ELL: variants seen among roughly 807,000 people sequenced by gnomAD.
ELL encodes the protein RNA polymerase II elongation factor ELL.
In ELL, 18 loss-of-function variants were observed where a neutral mutation model predicts 64.0. That is an observed-to-expected ratio of 0.28 (90% confidence interval 0.19 to 0.42). ELL has a LOEUF of 0.42. Among genes scored for constraint, ELL ranks in the 10% least tolerant of loss-of-function variants. The pLI, the probability that ELL is intolerant of heterozygous loss-of-function variation, is 1.00. For missense variants in ELL, 797 were observed against 870.4 expected (o/e 0.92, Z 1.06); for synonymous variants, 399 against 376.2 (o/e 1.06, Z -0.70).
At chr19:18,451,463 G>T in intron 7 of ELL, 89 bp downstream of exon 7, 2 of 1,161,816 alleles carry the variant, frequency 1.7e-6, no homozygotes, top group Non-Finnish European at 2.3e-6. Context: ...GCTCCAAAGA[G>T]CTGGTGAGGA....
chr19:18,484,261 C>A (rs565975742), intron 1 of ELL, among the ~76,000 whole-genome samples: 6 of 152,110 alleles, frequency 3.9e-5, no homozygotes, highest in African/African-American at 1.4e-4. Context: ...GTCAAGAGTT[C>A]GAGACCAGCC....
intron 1 of ELL, among the ~76,000 whole-genome samples, chr19:18,495,783 G>A (rs945006289): frequency 2.6e-5 from 4 of 152,196 alleles, no homozygotes; most frequent in East Asian, 1.9e-4. Flanking sequence ...CAGGTCCCAC[G>A]CGCCTCAGCT....
chr19:18,472,886 T>TAAAAAAAAAA lies in ELL; in HGVS notation c.136-14_136-5dup. ...ATGGCCTCAGTGAAACAGAATCCTA[T>TAAAAAAAAAA]AAAAAAAAAAAAAAAAAAAAAAAGG... On this transcript the variant is annotated splice_region_variant and splice_polypyrimidine_tract_variant and intron_variant, in intron 1 of 11. Transcript: ENST00000262809. 10 of 1,213,060 alleles carry TAAAAAAAAAA rather than the reference T, an allele frequency of 8.2e-6. No individual in the cohort carries two copies. The highest frequency in any genetic ancestry group is 5.4e-5 in the South Asian group (3 of 55,648). 75.1% of individuals were successfully genotyped at this position (1,213,060 alleles called of 1,614,324 possible).
At position 18,446,294 on chromosome 19, in the gene ELL, G is replaced by A. The variant is rs1465979393; in HGVS notation, c.1704+15C>T. The A allele has an allele frequency of 1.8e-5, 28 of 1,555,554 alleles. No homozygotes were observed. The highest frequency in any genetic ancestry group is 2.4e-5 in the Non-Finnish European group (28 of 1,153,818). On this transcript the variant is annotated intron_variant, in intron 10 of 11. Transcript: ENST00000262809. Reference sequence around the variant, plus strand: ...CGCCAGAGCCAGGGCACAGTAGGCAGCGGGGGGGCTCTACCTCATACTCCT... The same window carrying A: ...CGCCAGAGCCAGGGCACAGTAGGCAACGGGGGGGCTCTACCTCATACTCCT...
chr19:18,483,343 C>T (rs895877406), intron 1 of ELL, among the ~76,000 whole-genome samples: 2 of 152,354 alleles, frequency 1.3e-5, no homozygotes, highest in Admixed American at 6.5e-5. Context: ...CCAGGTCCTT[C>T]TTCCAGAAGG....
At chr19:18,445,088 C>A in intron 11 of ELL, 136 bp downstream of exon 11, 1 of 1,294,586 alleles carries the variant, frequency 7.7e-7, no homozygotes, top group South Asian at 1.2e-5. Flanking sequence ...GGTGGTGGGG[C>A]AACTTTGGCC....
rs1224031743 is a variant in ELL at position 18,443,440 on chromosome 19, G to A, written c.*1312C>T. 8.6e-6 allele frequency: 2 copies of A among 233,118 alleles called. No homozygotes were observed. Among genetic ancestry groups the A allele is most frequent in the Non-Finnish European group, 1.7e-5 (2 of 117,968 alleles). The allele number at this position is 233,118 out of a possible 1,614,324, so 14.4% of individuals were successfully genotyped here. A position where few individuals can be genotyped will look rare whatever the true frequency, so the allele number is the denominator to read the frequency against. On this transcript the variant is annotated 3_prime_UTR_variant, in exon 12 of 12. Coordinates refer to ENST00000262809, the MANE Select transcript of ELL (RefSeq NM_006532.4). ...CTGTTCTCCCTGCCTGACTGCTGATGGCAGCAGTGACCCCCATGTGATCCC... is the reference window on the plus strand; with the variant it reads ...CTGTTCTCCCTGCCTGACTGCTGATAGCAGCAGTGACCCCCATGTGATCCC...
chr19:18,489,404 C>G (rs1600480919), intron 1 of ELL, among the ~76,000 whole-genome samples: 1 of 152,300 alleles, frequency 6.6e-6, no homozygotes, highest in East Asian at 1.9e-4. Context: ...CCCGGGTGCT[C>G]CCATCCCCCT....
chr19:18,508,252 T>C (rs898358635), intron 1 of ELL, among the ~76,000 whole-genome samples: 2 of 152,042 alleles, frequency 1.3e-5, no homozygotes, highest in African/African-American at 2.4e-5. Context: ...CAGACTGCAG[T>C]GAGCTATGAT....
intron 1 of ELL, among the ~76,000 whole-genome samples, chr19:18,478,531 C>T (rs1975226006): frequency 1.3e-5 from 2 of 152,206 alleles, no homozygotes; most frequent in Admixed American, 1.3e-4. Context: ...TTTCATTACC[C>T]AGCATGAGGT....
intron 1 of ELL, among the ~76,000 whole-genome samples, chr19:18,505,372 G>A (rs1207830037): frequency 1.3e-5 from 2 of 152,158 alleles, no homozygotes; most frequent in Non-Finnish European, 2.9e-5. Context: ...ACCCTCCCAC[G>A]GGCAAGGGCA....
Position 18,444,154 on chromosome 19 carries a change from C to T in ELL, c.*598G>A, listed in dbSNP as rs1232464295. 8.7e-6 allele frequency: 2 copies of T among 230,694 alleles called. No individual in the cohort carries two copies. Among genetic ancestry groups the T allele is most frequent in the Non-Finnish European group, 1.7e-5 (2 of 116,574 alleles). The allele number at this position is 230,694 out of a possible 1,614,324, so 14.3% of individuals were successfully genotyped here. A position where few individuals can be genotyped will look rare whatever the true frequency, so the allele number is the denominator to read the frequency against. On this transcript the variant is annotated 3_prime_UTR_variant, in exon 12 of 12. Coordinates refer to ENST00000262809, the MANE Select transcript of ELL (RefSeq NM_006532.4). ...CCCTGTTTGCTTGCTGGAGCAGAGA[C>T]CCTGCCCAAGGAGGAGAGGCTGGGG... is the stretch of plus-strand genomic sequence containing the variant.
At chr19:18,471,778 C>T (rs1975070206) in intron 2 of ELL, among the ~76,000 whole-genome samples, 1 of 152,092 alleles carries the variant, frequency 6.6e-6, no homozygotes, top group South Asian at 2.1e-4. Context: ...TCTCTCATTC[C>T]CTGATTTTTC....
chr19:18,461,058 C>T (rs2144912646), intron 5 of ELL, among the ~76,000 whole-genome samples: 1 of 152,352 alleles, frequency 6.6e-6, no homozygotes, highest in East Asian at 1.9e-4. Flanking sequence ...GCCAGCACCA[C>T]ATTCCAGATG....
intron 1 of ELL, among the ~76,000 whole-genome samples, chr19:18,506,150 A>G (rs928837247): frequency 1.3e-5 from 2 of 152,212 alleles, no homozygotes; most frequent in African/African-American, 4.8e-5. Context: ...CCTGGCACTC[A>G]GGCCATGCCA....
chr19:18,504,137 G>C (rs1457481857), intron 1 of ELL, among the ~76,000 whole-genome samples: 1 of 152,204 alleles, frequency 6.6e-6, no homozygotes, highest in Non-Finnish European at 1.5e-5. Flanking sequence ...TGCTAAGCAT[G>C]CATCACTTCA....
chr19:18,520,021 G>GT (rs1024874218), intron 1 of ELL, among the ~76,000 whole-genome samples: 2 of 152,158 alleles, frequency 1.3e-5, no homozygotes, highest in African/African-American at 4.8e-5. Flanking sequence ...AGCCAGAGGA[G>GT]TTTAACAGTC....
Position 18,445,350 on chromosome 19 carries a change from G to GA in ELL, c.1705-83dup. Reference sequence around the variant, plus strand: ...CAAATTGAGTGGTCCCAGGTGCTCTGAGAAGGGGGCATGGGAGGGTGGGGC... The same window carrying GA: ...CAAATTGAGTGGTCCCAGGTGCTCTGAAGAAGGGGGCATGGGAGGGTGGGGC... On this transcript the variant is annotated intron_variant, in intron 10 of 11. Coordinates refer to ENST00000262809, the MANE Select transcript of ELL (RefSeq NM_006532.4). 5 of 970,538 alleles carry GA rather than the reference G, an allele frequency of 5.2e-6. No homozygotes were observed. The Admixed American group carries it at 5.3e-5, about 10-fold the overall frequency. The allele number at this position is 970,538 out of a possible 1,614,324, so 60.1% of individuals were successfully genotyped here.
chr19:18,507,576 C>T (rs759978908), intron 1 of ELL, among the ~76,000 whole-genome samples: 7 of 152,230 alleles, frequency 4.6e-5, no homozygotes, highest in Non-Finnish European at 8.8e-5. Flanking sequence ...GCACACCAAG[C>T]CAGTCTGAAG....
Sources: gnomAD v4.1 joint callset for allele counts (sites outside exome capture counted in the v4.1 genomes callset) on GRCh38, gnomAD v4.1.1 for gene constraint, MANE v1.5 for transcripts, NCBI Gene and HGNC (gene_info 2026-07-23, HGNC 2026-07-21) for gene names.